The following CD28 variants were observed in gnomAD, a reference collection of about 807,000 sequenced individuals.
CD28 encodes the protein CD28 molecule.
In CD28, 8 loss-of-function variants were observed where a neutral mutation model predicts 21.4. The ratio of observed to expected loss-of-function variants is 0.37; its 90% CI spans 0.22 to 0.68. The LOEUF (loss-of-function observed/expected upper bound fraction) is 0.68, where lower values mean the gene tolerates loss of function less well. CD28 is among the 30% of genes least tolerant of loss of function. The pLI is 0.55. For synonymous variants in CD28, 106 were observed against 104.0 expected, an observed-to-expected ratio of 1.02 and a Z score of -0.12; for missense variants, 239 against 272.2, an observed-to-expected ratio of 0.88 and a Z score of 0.86.
At chr2:203,721,477 G>A (rs541295727) in intron 1 of CD28, among the ~76,000 whole-genome samples, 2 of 151,978 alleles carry the variant, frequency 1.3e-5, no homozygotes, top group East Asian at 3.9e-4. Flanking sequence ...CATCTCCCTT[G>A]CCCAGACTAC....
chr2:203,716,472 A>G (rs17533594), intron 1 of CD28, among the ~76,000 whole-genome samples: 22,828 of 152,146 alleles, frequency 0.15, 1,932 homozygotes, highest in Non-Finnish European at 0.19. Flanking sequence ...AAGTACATTA[A>G]GTCCCTTATT....
At chr2:203,729,931 C>T (rs1693845510) in intron 3 of CD28, among the ~76,000 whole-genome samples, 159 bp downstream of exon 3, 1 of 152,152 alleles carries the variant, frequency 6.6e-6, no homozygotes, top group African/African-American at 2.4e-5. Flanking sequence ...TTGTTCAACT[C>T]TATCTGAGAT....
chr2:203,706,646 G>A lies in CD28; in HGVS notation c.-51G>A, dbSNP rs772490224. On this transcript the variant is annotated 5_prime_UTR_variant, in exon 1 of 4. Transcript: ENST00000324106. ...CGTCTTTCAGTTCCCCTCACACTTCGGGTTCCTCGGGGAGGAGGGGCTGGA... is the reference window on the plus strand; with the variant it reads ...CGTCTTTCAGTTCCCCTCACACTTCAGGTTCCTCGGGGAGGAGGGGCTGGA... The A allele has an allele frequency of 9.9e-6, 16 of 1,613,774 alleles. No homozygotes were observed. Among genetic ancestry groups the A allele is most frequent in the African/African-American group, 4.0e-5 (3 of 74,882 alleles).
At chr2:203,711,988 T>G (rs913742302) in intron 1 of CD28, among the ~76,000 whole-genome samples, 1 of 152,068 alleles carries the variant, frequency 6.6e-6, no homozygotes, top group African/African-American at 2.4e-5. Flanking sequence ...GGTCAGAAGT[T>G]TGAGACCAGT....
In CD28 at chr2:203,729,790, G is replaced by A. The variant is rs760879827; in HGVS notation, c.534+18G>A. The A allele has an allele frequency of 1.2e-6, 2 of 1,607,896 alleles. No individual in the cohort carries two copies. Among genetic ancestry groups the A allele is most frequent in the East Asian group, 2.2e-5 (1 of 44,848 alleles). ...TTTTCTGGGTAAGAGAAGCAGCACT[G>A]CTTTTATGTAACTTTTCCACTGCAC... On this transcript the variant is annotated intron_variant, in intron 3 of 3. Coordinates refer to ENST00000324106, the MANE Select transcript of CD28 (RefSeq NM_006139.4).
intron 1 of CD28, among the ~76,000 whole-genome samples, chr2:203,718,216 G>A (rs1027070833): frequency 6.6e-6 from 1 of 152,104 alleles, no homozygotes; most frequent in Non-Finnish European, 1.5e-5. Flanking sequence ...CAGGGAGCAC[G>A]GTTTGTCTCA....
chr2:203,729,514 A>T (rs1693833042), intron 2 of CD28, 134 bp from the exon 3 acceptor site: 1 of 930,482 alleles, frequency 1.1e-6, no homozygotes, highest in African/African-American at 1.7e-5. Flanking sequence ...TCAAAGAGGA[A>T]ATCTATTCAC....
rs567721635 is a variant in CD28 at position 203,725,668 on chromosome 2, G to A, written c.53-965G>A. 9.9e-5 allele frequency among the ~76,000 whole-genome samples: 15 copies of A among 152,272 alleles called. 1 individual carries two copies. The South Asian group carries it at 3.1e-3, about 32-fold the overall frequency. On this transcript the variant is annotated intron_variant, in intron 1 of 3. Transcript: ENST00000324106. ...TTTTATTGGGATAGCAGTAAAGGTA[G>A]ATGATGGACCAGAGAGATAACTCCC...
chr2:203,729,024 G>A (rs1434154885), intron 2 of CD28, among the ~76,000 whole-genome samples: 1 of 152,152 alleles, frequency 6.6e-6, no homozygotes, highest in African/African-American at 2.4e-5. Flanking sequence ...TGTGCAGCTA[G>A]GATGGAAAAT....
chr2:203,722,677 T>C (rs904337011), intron 1 of CD28, among the ~76,000 whole-genome samples: 1 of 152,162 alleles, frequency 6.6e-6, no homozygotes, highest in Non-Finnish European at 1.5e-5. Context: ...GCTAAGCAAA[T>C]TGAAGCATGT....
chr2:203,734,755 C>T, intron 3 of CD28, 29 bp from the exon 4 acceptor site: 1 of 1,613,620 alleles, frequency 6.2e-7, no homozygotes, highest in Non-Finnish European at 8.5e-7. Context: ...GACATTGTCC[C>T]TCCATACTGA....
Position 203,734,904 on chromosome 2 carries a change from C to A in CD28, c.655C>A (p.Arg219Ser), listed in dbSNP as rs200936737. 1 of 1,614,092 alleles carries A rather than the reference C, an allele frequency of 6.2e-7. No individual in the cohort carries two copies. The highest frequency in any genetic ancestry group is 8.5e-7 in the Non-Finnish European group (1 of 1,179,956). Residue 219 changes from arginine (R) to serine (S), a missense_variant, in exon 4 of 4, where the codon CGC becomes AGC. Arg to Ser is a moderately radical substitution (Grantham distance 110). Coordinates refer to ENST00000324106, the MANE Select transcript of CD28 (RefSeq NM_006139.4). ...YAPPRDFAAY[R>S]S is the part of the protein sequence containing the mutation. The stretch of plus-strand genomic sequence containing the variant: ...CCCACCACGCGACTTCGCAGCCTAT[C>A]GCTCCTGACACGGACGCCTATCCAG...
intron 1 of CD28, among the ~76,000 whole-genome samples, chr2:203,708,359 A>T (rs1002659215): frequency 6.6e-6 from 1 of 152,220 alleles, no homozygotes; most frequent in Non-Finnish European, 1.5e-5. Flanking sequence ...CATTTATTTT[A>T]AAAAGGTCAA....
chr2:203,722,872 C>T (rs561889410), intron 1 of CD28, among the ~76,000 whole-genome samples: 10 of 152,142 alleles, frequency 6.6e-5, no homozygotes, highest in Admixed American at 3.9e-4. Flanking sequence ...AGGAGGGCTT[C>T]GGTTTGAGGA....
chr2:203,714,114 A>C (rs927146929), intron 1 of CD28, among the ~76,000 whole-genome samples: 1 of 152,180 alleles, frequency 6.6e-6, no homozygotes, highest in Non-Finnish European at 1.5e-5. Context: ...GAGATAAGTT[A>C]GAATGAAGCT....
In CD28 at chr2:203,737,211, G is replaced by T. The variant is rs1581523796; in HGVS notation, c.*2299G>T. The T allele has an allele frequency of 1.3e-5, 2 of 152,222 alleles. No homozygotes were observed. Among genetic ancestry groups the T allele is most frequent in the African/African-American group, 4.8e-5 (2 of 41,526 alleles). The allele number at this position is 152,222 out of a possible 1,614,324, so 9.4% of individuals were successfully genotyped here. A position where few individuals can be genotyped will look rare whatever the true frequency, so the allele number is the denominator to read the frequency against. ...AGATCGAAAATACTGTACTTTGGTT[G>T]ATTTTTAAGTGGGCTTCCATTCCAT... On this transcript the variant is annotated 3_prime_UTR_variant, in exon 4 of 4. Transcript: ENST00000324106.
At chr2:203,711,358 A>G (rs1581498775) in intron 1 of CD28, among the ~76,000 whole-genome samples, 1 of 152,304 alleles carries the variant, frequency 6.6e-6, no homozygotes, top group East Asian at 1.9e-4. Context: ...TGGAAAAAAG[A>G]GTTTAGACTT....
intron 1 of CD28, among the ~76,000 whole-genome samples, chr2:203,715,829 C>G (rs938037352): frequency 6.6e-6 from 1 of 152,152 alleles, no homozygotes; most frequent in Non-Finnish European, 1.5e-5. Flanking sequence ...TTCCTGTTCA[C>G]CATCAGTCTG....
chr2:203,722,414 C>T (rs758261102), intron 1 of CD28, among the ~76,000 whole-genome samples: 65 of 152,166 alleles, frequency 4.3e-4, no homozygotes, highest in Non-Finnish European at 8.2e-4. Context: ...AGTGCTTTTG[C>T]AAAATATTTG....
Sources: gnomAD v4.1 joint callset for allele counts (sites outside exome capture counted in the v4.1 genomes callset) on GRCh38, gnomAD v4.1.1 for gene constraint, MANE v1.5 for transcripts, NCBI Gene and HGNC (gene_info 2026-07-23, HGNC 2026-07-21) for gene names.